SRBD1: variants seen among roughly 807,000 people sequenced by gnomAD.
SRBD1 encodes S1 RNA-binding domain-containing protein 1.
In SRBD1, 88 loss-of-function variants were observed where a neutral mutation model predicts 115.3. The ratio of observed to expected loss-of-function variants is 0.76; its 90% CI spans 0.64 to 0.91. The LOEUF is 0.91. SRBD1 is among the 40% of genes least tolerant of loss of function. SRBD1 has a pLI of 0.00. For synonymous variants in SRBD1, 509 were observed against 407.7 expected (o/e 1.25, Z -2.99); for missense variants, 1,385 against 1,177.4 (o/e 1.18, Z -2.58).
chr2:45,444,141 C>T (rs887988275), intron 16 of SRBD1, among the ~76,000 whole-genome samples: 5 of 152,124 alleles, frequency 3.3e-5, no homozygotes, highest in Non-Finnish European at 7.4e-5. Flanking sequence ...AGCAGTGGCT[C>T]ACACCTATAA....
In SRBD1 at chr2:45,549,696, C is replaced by CAAAAAAAAAA. The variant is rs10646755; in HGVS notation, c.1675+1419_1675+1428dup. On this transcript the variant is annotated intron_variant, in intron 12 of 20. Transcript: ENST00000263736. ...CGAAACTCCGTCTCTACTAAAAATA[C>CAAAAAAAAAA]AAAAAAAAAAAAAAAAAAAAGGCAG... Among the ~76,000 whole-genome samples the CAAAAAAAAAA allele has an allele frequency of 2.6e-3, 223 of 84,548 alleles. 1 individual carries two copies. Among genetic ancestry groups the CAAAAAAAAAA allele is most frequent in the Middle Eastern group, 8.1e-3 (1 of 124 alleles). 55.5% of individuals were successfully genotyped at this position (84,548 alleles called of 152,430 possible).
intron 19 of SRBD1, among the ~76,000 whole-genome samples, chr2:45,407,940 G>A (rs1667484404): frequency 6.6e-6 from 1 of 151,562 alleles, no homozygotes; most frequent in Non-Finnish European, 1.5e-5. Context: ...AATAACTCAG[G>A]CTATAAAATA....
At chr2:45,573,420 T>C (rs1295435961) in intron 8 of SRBD1, 78 bp from the exon 9 acceptor site, 2 of 1,485,476 alleles carry the variant, frequency 1.3e-6, no homozygotes, top group Admixed American at 2.7e-5. Context: ...GAAATAAGGA[T>C]AGCAAAAAAA....
chr2:45,526,506 T>G (rs1671446944), intron 14 of SRBD1, among the ~76,000 whole-genome samples: 1 of 151,898 alleles, frequency 6.6e-6, no homozygotes, highest in Non-Finnish European at 1.5e-5. Context: ...GTGTACAGGT[T>G]TTTGAGATGA....
intron 19 of SRBD1, among the ~76,000 whole-genome samples, chr2:45,401,970 G>C (rs917205739): frequency 1.3e-5 from 2 of 152,190 alleles, no homozygotes; most frequent in Non-Finnish European, 2.9e-5. Flanking sequence ...CAATTCTCAA[G>C]GAGCAGTTCA....
intron 7 of SRBD1, 147 bp from the exon 8 acceptor site, chr2:45,574,870 C>T (rs1333857524): frequency 2.0e-5 from 13 of 655,882 alleles, no homozygotes; most frequent in Non-Finnish European, 2.8e-5. Context: ...CAGCAGTATA[C>T]TAGCTTCCCT....
At chr2:45,590,754 T>C (rs1572815812) in intron 4 of SRBD1, among the ~76,000 whole-genome samples, 1 of 152,144 alleles carries the variant, frequency 6.6e-6, no homozygotes. Context: ...CGGTGGCTCA[T>C]GCCTGTAATC....
At chr2:45,577,571 T>C (rs968953990) in intron 7 of SRBD1, among the ~76,000 whole-genome samples, 6 of 152,152 alleles carry the variant, frequency 3.9e-5, no homozygotes, top group African/African-American at 4.8e-5. Flanking sequence ...TCCCAGGACA[T>C]AGTCCATTTG....
At chr2:45,506,108 A>G (rs1670789487) in intron 14 of SRBD1, among the ~76,000 whole-genome samples, 1 of 152,188 alleles carries the variant, frequency 6.6e-6, no homozygotes, top group Non-Finnish European at 1.5e-5. Context: ...AGAAGCATAC[A>G]AATCAGTGAT....
At chr2:45,499,892 T>C (rs1279900116) in intron 14 of SRBD1, among the ~76,000 whole-genome samples, 2 of 152,186 alleles carry the variant, frequency 1.3e-5, no homozygotes, top group African/African-American at 4.8e-5. Context: ...GTTTTGGTTA[T>C]AACAGCTTTG....
intron 16 of SRBD1, among the ~76,000 whole-genome samples, chr2:45,434,289 G>T (rs945075134): frequency 6.6e-6 from 1 of 152,004 alleles, no homozygotes; most frequent in Non-Finnish European, 1.5e-5. Context: ...GACCTTCTCG[G>T]GTATCAAATG....
At chr2:45,426,443 C>T (rs1440853391) in intron 16 of SRBD1, among the ~76,000 whole-genome samples, 1 of 152,224 alleles carries the variant, frequency 6.6e-6, no homozygotes, top group South Asian at 2.1e-4. Flanking sequence ...CTTAAACGTT[C>T]TTGCCTGCTG....
intron 1 of SRBD1, among the ~76,000 whole-genome samples, chr2:45,606,458 C>T (rs181089339): frequency 6.6e-6 from 1 of 152,176 alleles, no homozygotes; most frequent in East Asian, 1.9e-4. Context: ...CTGTGCCCAG[C>T]CTATTCTATA....
intron 4 of SRBD1, among the ~76,000 whole-genome samples, chr2:45,586,310 C>CA (rs1213154674): frequency 6.6e-6 from 1 of 151,810 alleles, no homozygotes; most frequent in Non-Finnish European, 1.5e-5. Flanking sequence ...TAAAGGTGAG[C>CA]AAAAACCTAA....
At chr2:45,449,617 C>A (rs1668930988) in intron 16 of SRBD1, among the ~76,000 whole-genome samples, 1 of 152,040 alleles carries the variant, frequency 6.6e-6, no homozygotes, top group South Asian at 2.1e-4. Context: ...AATATTAGGA[C>A]TATAATTTTG....
chr2:45,389,227 C>T lies in SRBD1; in HGVS notation c.*83G>A. On this transcript the variant is annotated 3_prime_UTR_variant, in exon 21 of 21. Transcript: ENST00000263736. ...AAGTGAATTATTTCTCATCTGCTAC[C>T]TAGAGTTTACAAACAACTGACTTAT... is the stretch of plus-strand genomic sequence containing the variant. 1 of 1,463,878 alleles carries T rather than the reference C, an allele frequency of 6.8e-7. No homozygotes were observed. Among genetic ancestry groups the T allele is most frequent in the South Asian group, 1.4e-5 (1 of 73,868 alleles). The allele number at this position is 1,463,878 out of a possible 1,614,324, so 90.7% of individuals were successfully genotyped here. A position where few individuals can be genotyped will look rare whatever the true frequency, so the allele number is the denominator to read the frequency against.
chr2:45,574,620 TACTC>T lies in SRBD1; in HGVS notation c.1169+3_1169+6del, dbSNP rs1558488359. ...AAAGCAGAAAACTCCATAAAAGAGA[TACTC>T]ACAAGTTCCGAATGAAGTCAAGCGT... On this transcript the variant is annotated splice_donor_5th_base_variant and intron_variant, in intron 8 of 20. Coordinates refer to ENST00000263736, the MANE Select transcript of SRBD1 (RefSeq NM_018079.5). 6.2e-7 allele frequency: 1 copy of T among 1,612,066 alleles called. No homozygotes were observed. The highest frequency in any genetic ancestry group is 8.5e-7 in the Non-Finnish European group (1 of 1,179,130).
chr2:45,486,339 T>G (rs1670117901), intron 15 of SRBD1, among the ~76,000 whole-genome samples: 1 of 152,188 alleles, frequency 6.6e-6, no homozygotes, highest in Non-Finnish European at 1.5e-5. Context: ...TTTTTATAAA[T>G]GAAAGTACCC....
chr2:45,470,496 A>C (rs1041231550), intron 16 of SRBD1, among the ~76,000 whole-genome samples: 3 of 152,224 alleles, frequency 2.0e-5, no homozygotes, highest in African/African-American at 7.2e-5. Context: ...AGGAGGAAAG[A>C]GCACTGTTCT....
Sources: allele counts gnomAD v4.1 joint callset (sites outside exome capture counted in the v4.1 genomes callset), GRCh38; gene constraint gnomAD v4.1.1; transcripts MANE v1.5; gene names NCBI Gene and HGNC (gene_info 2026-07-23, HGNC 2026-07-21).